Variants in ANKS1B observed in about 807,000 individuals in gnomAD.
ANKS1B encodes ankyrin repeat and sterile alpha motif domain-containing protein 1B.
ANKS1B carries 36 observed loss-of-function variants against 148.3 expected under a neutral mutation model. The ratio of observed to expected loss-of-function variants is 0.24; its 90% confidence interval spans 0.19 to 0.32. The LOEUF (loss-of-function observed/expected upper bound fraction) is 0.32, where lower values mean the gene tolerates loss of function less well. Ranked by LOEUF, ANKS1B falls within the 10% of genes least tolerant of loss-of-function variation. The probability of loss-of-function intolerance (pLI) is 1.00; values close to 1 mark genes in which losing one functional copy is unlikely to be tolerated. For synonymous variants in ANKS1B, 542 were observed against 560.8 expected (o/e 0.97, Z 0.47); for missense variants, 1,157 against 1,542.6 (o/e 0.75, Z 4.19).
At chr12:98,929,144 C>G (rs976220075) in intron 17 of ANKS1B, among the ~76,000 whole-genome samples, 3 of 151,434 alleles carry the variant, frequency 2.0e-5, no homozygotes, top group Non-Finnish European at 4.4e-5. Context: ...TGACAATGAA[C>G]AATTTGGAAG....
At chr12:99,728,739 C>T (rs1023233481) in intron 8 of ANKS1B, among the ~76,000 whole-genome samples, 4 of 152,112 alleles carry the variant, frequency 2.6e-5, no homozygotes, top group African/African-American at 7.2e-5. Flanking sequence ...CAATGATAGA[C>T]TGGATAAAGA....
intron 17 of ANKS1B, among the ~76,000 whole-genome samples, chr12:98,933,306 C>T (rs1312660869): frequency 6.6e-6 from 1 of 152,136 alleles, no homozygotes; most frequent in Non-Finnish European, 1.5e-5. Context: ...TGTGTTGTCA[C>T]ATATTGCAGA....
At chr12:99,636,468 T>C (rs1598548532) in intron 9 of ANKS1B, among the ~76,000 whole-genome samples, 1 of 152,298 alleles carries the variant, frequency 6.6e-6, no homozygotes, top group Non-Finnish European at 1.5e-5. Flanking sequence ...GAAGCTTATC[T>C]GACACATAGA....
At chr12:99,849,737 T>C (rs377287580) in intron 1 of ANKS1B, among the ~76,000 whole-genome samples, 15 of 152,216 alleles carry the variant, frequency 9.9e-5, no homozygotes, top group East Asian at 5.8e-4. Context: ...AGAAGTCATA[T>C]AGAAAATAAC....
intron 17 of ANKS1B, among the ~76,000 whole-genome samples, chr12:99,005,573 T>C (rs528640118): frequency 6.6e-6 from 1 of 152,330 alleles, no homozygotes; most frequent in East Asian, 1.9e-4. Flanking sequence ...ATTTTCTTCC[T>C]CTATCCTCTT....
At position 99,979,548 on chromosome 12, in the gene ANKS1B, G is replaced by T. The variant is rs139864156; in HGVS notation, c.134+4556C>A. On this transcript the variant is annotated intron_variant, in intron 1 of 26. Coordinates refer to ENST00000683438, the MANE Select transcript of ANKS1B (RefSeq NM_001352186.2). ...ACTGAAGGTCCAAACGAGACCATAA[G>T]GGACAGTAAGCTGCTTTAAATAAGT... 1.8e-4 allele frequency among the ~76,000 whole-genome samples: 28 copies of T among 152,162 alleles called. No individual in the cohort carries two copies. The East Asian group carries it at 5.0e-3, about 27-fold the overall frequency.
chr12:99,171,626 C>T (rs2077767336), intron 14 of ANKS1B, among the ~76,000 whole-genome samples: 1 of 152,092 alleles, frequency 6.6e-6, no homozygotes, highest in Admixed American at 6.6e-5. Flanking sequence ...ACAGATCTGA[C>T]AACTTATGTG....
chr12:99,536,097 C>T (rs1237467496), intron 9 of ANKS1B, among the ~76,000 whole-genome samples: 1 of 152,156 alleles, frequency 6.6e-6, no homozygotes, highest in East Asian at 1.9e-4. Context: ...ATTTATAGGA[C>T]ATGTCTTTAT....
chr12:99,676,008 T>C (rs371749953), intron 8 of ANKS1B, among the ~76,000 whole-genome samples: 7 of 152,166 alleles, frequency 4.6e-5, no homozygotes, highest in East Asian at 3.9e-4. Context: ...CACATGTCTT[T>C]GGAGGGACCC....
intron 17 of ANKS1B, among the ~76,000 whole-genome samples, chr12:98,960,925 A>C (rs1410000969): frequency 6.6e-6 from 1 of 152,140 alleles, no homozygotes; most frequent in Non-Finnish European, 1.5e-5. Flanking sequence ...AGAATTAGTG[A>C]GCTTGATGAC....
intron 17 of ANKS1B, among the ~76,000 whole-genome samples, chr12:98,949,317 T>C (rs2099850595): frequency 6.6e-6 from 1 of 152,124 alleles, no homozygotes; most frequent in African/African-American, 2.4e-5. Flanking sequence ...AGACTAGGCC[T>C]CACAACTGCA....
Position 99,453,247 on chromosome 12 carries a change from A to G in ANKS1B, c.1439-9438T>C, listed in dbSNP as rs551142136. On this transcript the variant is annotated intron_variant, in intron 10 of 26. Coordinates refer to ENST00000683438, the MANE Select transcript of ANKS1B (RefSeq NM_001352186.2). The stretch of plus-strand genomic sequence containing the variant: ...AGAGCTTGGAGTGAGCCGAGATTGC[A>G]CCACTGCACTCCAGCCTGGGTGACA... Among the ~76,000 whole-genome samples the G allele has an allele frequency of 6.6e-5, 10 of 152,162 alleles. No homozygotes were observed. The East Asian group carries it at 7.7e-4, about 12-fold the overall frequency.
At chr12:99,307,039 T>G (rs558564852) in intron 12 of ANKS1B, among the ~76,000 whole-genome samples, 52 of 152,258 alleles carry the variant, frequency 3.4e-4, no homozygotes, top group Admixed American at 6.5e-4. Flanking sequence ...TGGCTCTGCC[T>G]TCTTCTAACT....
chr12:99,890,139 T>C (rs1030126155), intron 1 of ANKS1B, among the ~76,000 whole-genome samples: 2 of 152,178 alleles, frequency 1.3e-5, no homozygotes, highest in South Asian at 2.1e-4. Context: ...ATAATTATAA[T>C]AGATACCGTG....
intron 9 of ANKS1B, among the ~76,000 whole-genome samples, chr12:99,654,179 G>A (rs781734377): frequency 6.6e-6 from 1 of 152,210 alleles, no homozygotes; most frequent in South Asian, 2.1e-4. Flanking sequence ...AATTAATATT[G>A]AAATTTGAGG....
intron 22 of ANKS1B, among the ~76,000 whole-genome samples, chr12:98,790,249 A>G (rs563180250): frequency 2.0e-5 from 3 of 152,218 alleles, no homozygotes; most frequent in African/African-American, 7.2e-5. Flanking sequence ...CCTTCCTCTG[A>G]GAAGAAAGGG....
chr12:99,702,845 C>G (rs975640107), intron 8 of ANKS1B, among the ~76,000 whole-genome samples: 1 of 150,374 alleles, frequency 6.7e-6, no homozygotes, highest in Non-Finnish European at 1.5e-5. Flanking sequence ...GAAATCTTCA[C>G]CTAGAACAAT....
chr12:99,012,699 C>T (rs546252487), intron 17 of ANKS1B, among the ~76,000 whole-genome samples: 19 of 152,178 alleles, frequency 1.2e-4, no homozygotes, highest in African/African-American at 4.3e-4. Flanking sequence ...CATTTTTCTG[C>T]ACTTGGGTTG....
At chr12:99,722,548 A>C (rs1187891063) in intron 8 of ANKS1B, among the ~76,000 whole-genome samples, 1 of 152,236 alleles carries the variant, frequency 6.6e-6, no homozygotes, top group East Asian at 1.9e-4. Flanking sequence ...GCTTAAAAAA[A>C]GATTCCTTTC....
Sources: gnomAD v4.1 joint callset for allele counts (sites outside exome capture counted in the v4.1 genomes callset) on GRCh38, gnomAD v4.1.1 for gene constraint, MANE v1.5 for transcripts, NCBI Gene and HGNC (gene_info 2026-07-23, HGNC 2026-07-21) for gene names.